The following FRMD4A variants were observed in gnomAD, a reference collection of about 807,000 sequenced individuals.
FRMD4A encodes the protein FERM domain containing 4A, also known as FERM domain-containing protein 4A.
Under a neutral mutation model 129.1 loss-of-function variants are expected in FRMD4A, and 29 were observed. The ratio of observed to expected loss-of-function variants is 0.22; its 90% CI spans 0.17 to 0.31. The LOEUF (loss-of-function observed/expected upper bound fraction) is 0.31. Ranked by LOEUF, FRMD4A falls within the 10% of genes least tolerant of loss-of-function variation. The probability of loss-of-function intolerance (pLI) is 1.00; values close to 1 mark genes in which losing one functional copy is unlikely to be tolerated. For synonymous variants in FRMD4A, 634 were observed against 571.6 expected, an observed-to-expected ratio of 1.11 and a Z score of -1.56; for missense variants, 1,272 against 1,375.8, an observed-to-expected ratio of 0.92 and a Z score of 1.19.
chr10:14,329,362 T>G (rs1330185389), intron 2 of FRMD4A, among the ~76,000 whole-genome samples: 2 of 152,094 alleles, frequency 1.3e-5, no homozygotes, highest in East Asian at 3.9e-4. Context: ...AAAAGCCAAT[T>G]GGGTTGGAAC....
intron 15 of FRMD4A, chr10:13,693,420 A>G (rs2134829361): frequency 1.4e-6 from 1 of 703,202 alleles, no homozygotes; most frequent in Non-Finnish European, 1.9e-6. Context: ...TGAATGGAGA[A>G]ATCATGCCCT....
intron 3 of FRMD4A, among the ~76,000 whole-genome samples, chr10:13,822,927 AGGGGTGAGGTCTCCCT>A (rs2093650560): frequency 6.6e-6 from 1 of 152,030 alleles, no homozygotes; most frequent in South Asian, 2.1e-4. Context: ...CATTTAACCC[AGGGGTGAGGTCTCCCT>A]GGGAGCAATG....
chr10:13,964,816 G>A (rs1231307349), intron 2 of FRMD4A, among the ~76,000 whole-genome samples: 2 of 151,942 alleles, frequency 1.3e-5, no homozygotes, highest in Non-Finnish European at 2.9e-5. Context: ...AGCCTCCTGG[G>A]TAGCTGGGCC....
At chr10:14,003,223 G>C (rs2095649167) in intron 2 of FRMD4A, among the ~76,000 whole-genome samples, 1 of 152,216 alleles carries the variant, frequency 6.6e-6, no homozygotes, top group African/African-American at 2.4e-5. Context: ...AGACGTTTCA[G>C]AGCTGGAATG....
rs749710776 is a variant in FRMD4A, at chr10:13,659,448, G to A, written c.1941C>T (p.Ala647=). The A allele has an allele frequency of 9.9e-6, 16 of 1,613,674 alleles. No individual in the cohort carries two copies. Among genetic ancestry groups the A allele is most frequent in the African/African-American group, 2.7e-5 (2 of 74,916 alleles). ...RFPSTGSCAE[A]GGGSNSLQNS... Reference sequence around the variant, plus strand: ...TCTGCAAGGAGTTGCTTCCTCCGCCGGCTTCCGCACAGCTTCCTGTGCTGG... The same window carrying A: ...TCTGCAAGGAGTTGCTTCCTCCGCCAGCTTCCGCACAGCTTCCTGTGCTGG... Residue 647 remains alanine, a synonymous_variant, in exon 21 of 25, where the codon GCC becomes GCT. Coordinates refer to ENST00000357447, the MANE Select transcript of FRMD4A (RefSeq NM_018027.5).
At chr10:14,293,991 C>G (rs1845929142) in intron 2 of FRMD4A, among the ~76,000 whole-genome samples, 1 of 152,162 alleles carries the variant, frequency 6.6e-6, no homozygotes, top group African/African-American at 2.4e-5. Flanking sequence ...TTAGGCAAAA[C>G]TAAATGTATT....
chr10:13,872,663 C>T (rs76637708), intron 2 of FRMD4A, among the ~76,000 whole-genome samples: 2,038 of 152,338 alleles, frequency 0.013, 33 homozygotes, highest in East Asian at 0.067. Flanking sequence ...ACACACCTAC[C>T]TAACATCCAA....
chr10:13,986,195 A>C (rs7072791), intron 2 of FRMD4A, among the ~76,000 whole-genome samples: 39,379 of 151,802 alleles, frequency 0.26, 6,133 homozygotes, highest in East Asian at 0.6. Flanking sequence ...AAGTTTTAAG[A>C]AAGTATGTTT....
intron 3 of FRMD4A, among the ~76,000 whole-genome samples, chr10:13,858,349 C>T (rs202236136): frequency 2.4e-4 from 36 of 152,240 alleles, no homozygotes; most frequent in Admixed American, 5.9e-4. Flanking sequence ...GCAGGAGAAT[C>T]GCTTGAACCT....
intron 2 of FRMD4A, among the ~76,000 whole-genome samples, chr10:13,922,266 T>C (rs2095081709): frequency 6.6e-6 from 1 of 151,122 alleles, no homozygotes; most frequent in Admixed American, 6.6e-5. Context: ...AATTCATCTG[T>C]CTATCCCTTA....
Position 13,720,483 on chromosome 10 carries a change from G to A in FRMD4A, c.760-13370C>T, listed in dbSNP as rs12220591. Among the ~76,000 whole-genome samples the A allele has an allele frequency of 0.011, 1,751 of 152,274 alleles. 66 individuals are homozygous for A. In the South Asian group the frequency reaches 0.12, roughly 10 times the overall value. On this transcript the variant is annotated intron_variant, in intron 12 of 24. Coordinates refer to ENST00000357447, the MANE Select transcript of FRMD4A (RefSeq NM_018027.5). Reference sequence around the variant, plus strand: ...CAACTTTTATCCATTCAACAACCACGTGTTGAGTAGCTACCATGGACCTGG... The same window carrying A: ...CAACTTTTATCCATTCAACAACCACATGTTGAGTAGCTACCATGGACCTGG...
intron 2 of FRMD4A, among the ~76,000 whole-genome samples, chr10:14,000,136 G>T (rs756554439): frequency 7.2e-5 from 11 of 152,186 alleles, no homozygotes; most frequent in Non-Finnish European, 1.5e-4. Context: ...TCCACTCCCA[G>T]ATTAGAATAA....
chr10:14,160,050 C>CA (rs954154562), intron 2 of FRMD4A, among the ~76,000 whole-genome samples: 6 of 151,214 alleles, frequency 4.0e-5, no homozygotes, highest in African/African-American at 9.7e-5. Context: ...ACTCCGTCTC[C>CA]AAAAAAAATA....
At chr10:13,818,318 C>A (rs571411309) in intron 3 of FRMD4A, among the ~76,000 whole-genome samples, 36 of 152,118 alleles carry the variant, frequency 2.4e-4, no homozygotes, top group Non-Finnish European at 4.4e-4. Context: ...TATGTACCAC[C>A]ATGGCTGGCT....
chr10:13,770,047 G>A (rs2092412400), intron 6 of FRMD4A, among the ~76,000 whole-genome samples: 1 of 152,048 alleles, frequency 6.6e-6, no homozygotes, highest in Admixed American at 6.6e-5. Context: ...TATCCTATCG[G>A]TTCTGTCCCT....
chr10:13,742,057 T>C (rs1176974449), intron 9 of FRMD4A, among the ~76,000 whole-genome samples: 1 of 151,972 alleles, frequency 6.6e-6, no homozygotes, highest in Non-Finnish European at 1.5e-5. Context: ...GGGTTTTGCA[T>C]GTTGGCCAGG....
At chr10:14,158,119 A>G (rs1406279691) in intron 2 of FRMD4A, among the ~76,000 whole-genome samples, 3 of 152,112 alleles carry the variant, frequency 2.0e-5, no homozygotes, top group Non-Finnish European at 4.4e-5. Context: ...CTTGAATGTC[A>G]TATAAAGGTG....
At chr10:14,297,735 A>G (rs1290354699) in intron 2 of FRMD4A, among the ~76,000 whole-genome samples, 1 of 152,146 alleles carries the variant, frequency 6.6e-6, no homozygotes, top group Non-Finnish European at 1.5e-5. Context: ...GGCCACAGAC[A>G]TAAGATATTC....
chr10:14,027,199 C>G (rs1257740180), intron 2 of FRMD4A, among the ~76,000 whole-genome samples: 1 of 152,136 alleles, frequency 6.6e-6, no homozygotes, highest in Non-Finnish European at 1.5e-5. Flanking sequence ...TTTCATCAAC[C>G]CTCTTCCTGG....
Sources: gnomAD v4.1 joint callset for allele counts (sites outside exome capture counted in the v4.1 genomes callset) on GRCh38, gnomAD v4.1.1 for gene constraint, MANE v1.5 for transcripts, NCBI Gene and HGNC (gene_info 2026-07-23, HGNC 2026-07-21) for gene names.